Variants in PDZRN3 observed in about 807,000 individuals in gnomAD.
PDZRN3 encodes the protein PDZ domain containing ring finger 3, also known as E3 ubiquitin-protein ligase PDZRN3.
Under a neutral mutation model 85.7 loss-of-function variants are expected in PDZRN3, and 38 were observed. The observed-to-expected ratio is 0.44, with a 90% CI of 0.34 to 0.58. The LOEUF is 0.58. Ranked by LOEUF, PDZRN3 falls within the 20% of genes least tolerant of loss-of-function variation. PDZRN3 has a pLI of 0.01. For synonymous variants in PDZRN3, 759 were observed against 638.0 expected (o/e 1.19, Z -2.86); for missense variants, 1,629 against 1,506.4 (o/e 1.08, Z -1.35).
chr3:73,621,056 C>T (rs1009729479), intron 1 of PDZRN3, among the ~76,000 whole-genome samples: 1 of 152,334 alleles, frequency 6.6e-6, no homozygotes, highest in African/African-American at 2.4e-5. Context: ...TCTGGGAGCT[C>T]ATTGGAAATG....
At chr3:73,434,686 G>T (rs1702497815) in intron 3 of PDZRN3, among the ~76,000 whole-genome samples, 1 of 152,200 alleles carries the variant, frequency 6.6e-6, no homozygotes, top group Non-Finnish European at 1.5e-5. Flanking sequence ...ATATGGCTGG[G>T]CTGACTGTCA....
rs578176101 is a variant in PDZRN3 at position 73,618,234 on chromosome 3, C to G, written c.723+5869G>C. On this transcript the variant is annotated intron_variant, in intron 1 of 9. Transcript: ENST00000263666. ...AAGAGTCATGGGTAAGAGCACCGAC[C>G]TTGCAGGGTCTTTCTGAGGATGAAA... Among the ~76,000 whole-genome samples, 49 of 152,298 alleles carry G rather than the reference C, an allele frequency of 3.2e-4. No homozygotes were observed. The South Asian group carries it at 0.01, about 32-fold the overall frequency.
At chr3:73,551,830 C>T (rs933256329) in intron 3 of PDZRN3, among the ~76,000 whole-genome samples, 2 of 152,052 alleles carry the variant, frequency 1.3e-5, no homozygotes, top group Admixed American at 1.3e-4. Context: ...GTAGACTAAG[C>T]CTATGTTTAT....
intron 3 of PDZRN3, among the ~76,000 whole-genome samples, chr3:73,586,247 T>G (rs1325870492): frequency 6.6e-6 from 1 of 152,166 alleles, no homozygotes; most frequent in Admixed American, 6.5e-5. Context: ...CTGGGAGAGA[T>G]ATCTATTTTA....
At chr3:73,559,973 G>A (rs1452518202) in intron 3 of PDZRN3, among the ~76,000 whole-genome samples, 1 of 152,150 alleles carries the variant, frequency 6.6e-6, no homozygotes, top group African/African-American at 2.4e-5. Flanking sequence ...TGTCAAGGGC[G>A]GGAGCAGCTC....
chr3:73,385,532 A>G, intron 9 of PDZRN3, 137 bp downstream of exon 9: 4 of 635,238 alleles, frequency 6.3e-6, no homozygotes, highest in Non-Finnish European at 8.5e-6. Flanking sequence ...ATAGAAAAGT[A>G]CTTGAGGCTG....
intron 3 of PDZRN3, among the ~76,000 whole-genome samples, chr3:73,536,592 T>C (rs1247531984): frequency 6.6e-6 from 1 of 152,214 alleles, no homozygotes; most frequent in African/African-American, 2.4e-5. Flanking sequence ...ATCTGGAGCA[T>C]TGAGAACTTA....
chr3:73,497,994 C>G (rs1386480012), intron 3 of PDZRN3, among the ~76,000 whole-genome samples: 1 of 152,200 alleles, frequency 6.6e-6, no homozygotes, highest in East Asian at 1.9e-4. Flanking sequence ...GAGGTAACAA[C>G]AGTTGAGCTT....
intron 3 of PDZRN3, among the ~76,000 whole-genome samples, chr3:73,524,046 G>A (rs991486128): frequency 1.3e-5 from 2 of 152,082 alleles, no homozygotes; most frequent in Non-Finnish European, 2.9e-5. Context: ...GATATCACAG[G>A]GCATGCTTAC....
At chr3:73,600,319 ACACACACACACACACACACT>A (rs1702495380) in intron 3 of PDZRN3, among the ~76,000 whole-genome samples, 1 of 90,878 alleles carries the variant, frequency 1.1e-5, no homozygotes, top group African/African-American at 4.6e-5. Flanking sequence ...ACACACACAC[ACACACACACACACACACACT>A]CTCTCTCTCT....
intron 3 of PDZRN3, chr3:73,569,004 A>G (rs887391903): frequency 7.4e-6 from 3 of 402,726 alleles, no homozygotes; most frequent in African/African-American, 4.2e-5. Flanking sequence ...ATCTCTCAGG[A>G]GGTAGGTATC....
chr3:73,454,211 C>A (rs1702932320), intron 3 of PDZRN3, among the ~76,000 whole-genome samples: 1 of 152,162 alleles, frequency 6.6e-6, no homozygotes, highest in East Asian at 1.9e-4. Context: ...GAGTTTCCCA[C>A]ACATGGCAGA....
intron 3 of PDZRN3, among the ~76,000 whole-genome samples, chr3:73,493,564 T>C (rs1386057768): frequency 2.0e-5 from 3 of 152,116 alleles, no homozygotes; most frequent in African/African-American, 7.2e-5. Flanking sequence ...CTCAAATCCC[T>C]GGTATCCCTG....
intron 3 of PDZRN3, among the ~76,000 whole-genome samples, chr3:73,501,970 G>A (rs769089885): frequency 6.6e-6 from 1 of 152,124 alleles, no homozygotes; most frequent in Non-Finnish European, 1.5e-5. Context: ...AGCTGAGATC[G>A]CATCACTGCA....
intron 1 of PDZRN3, among the ~76,000 whole-genome samples, chr3:73,610,573 C>T (rs191849380): frequency 1.3e-5 from 2 of 152,272 alleles, no homozygotes; most frequent in Non-Finnish European, 2.9e-5. Context: ...AAGTCCATTT[C>T]TTACTTTGCT....
intron 3 of PDZRN3, among the ~76,000 whole-genome samples, chr3:73,495,220 TAGCAAGATTCTTTC>T (rs1472463947): frequency 6.6e-6 from 1 of 152,210 alleles, no homozygotes; most frequent in Non-Finnish European, 1.5e-5. Flanking sequence ...CTTCTTTCGA[TAGCAAGATTCTTTC>T]AGCAAGTGGT....
In PDZRN3 at chr3:73,473,382, T is replaced by C. The variant is rs986402399; in HGVS notation, c.919-68987A>G. Among the ~76,000 whole-genome samples the C allele has an allele frequency of 2.6e-5, 4 of 152,202 alleles. No homozygotes were observed. The South Asian group carries it at 8.3e-4, about 32-fold the overall frequency. ...GAGGGCTCCATCTGTCTTTGGGTATTGACATTTTGATGGGTTCTAATTGTA... is the reference window on the plus strand; with the variant it reads ...GAGGGCTCCATCTGTCTTTGGGTATCGACATTTTGATGGGTTCTAATTGTA... On this transcript the variant is annotated intron_variant, in intron 3 of 9. Coordinates refer to ENST00000263666, the MANE Select transcript of PDZRN3 (RefSeq NM_015009.3).
At position 73,400,766 on chromosome 3, in the gene PDZRN3, C is replaced by T. The variant is rs984399651; in HGVS notation, c.1254+156G>A. On this transcript the variant is annotated intron_variant, in intron 5 of 9. Transcript: ENST00000263666. The stretch of plus-strand genomic sequence containing the variant: ...CTGTTTCCAAGGAAGGAAGAAGAAT[C>T]TCAGTTGTGCCTTTCAAAGGGCATC... Among the ~76,000 whole-genome samples the T allele has an allele frequency of 9.2e-5, 14 of 152,192 alleles. 1 individual carries two copies. Among genetic ancestry groups the T allele is most frequent in the African/African-American group, 3.4e-4 (14 of 41,454 alleles).
intron 3 of PDZRN3, among the ~76,000 whole-genome samples, chr3:73,586,741 A>G (rs1175827891): frequency 6.6e-6 from 1 of 152,186 alleles, no homozygotes; most frequent in East Asian, 1.9e-4. Context: ...TCAAACATCA[A>G]GCTGATACAA....
Sources: gnomAD v4.1 joint callset for allele counts (sites outside exome capture counted in the v4.1 genomes callset) on GRCh38, gnomAD v4.1.1 for gene constraint, MANE v1.5 for transcripts, NCBI Gene and HGNC (gene_info 2026-07-23, HGNC 2026-07-21) for gene names.